Variants in ST6GALNAC5 observed in about 807,000 individuals in gnomAD.
The protein encoded by ST6GALNAC5 is ST6 N-acetylgalactosaminide alpha-2,6-sialyltransferase 5.
In ST6GALNAC5, 27 loss-of-function variants were observed where a neutral mutation model predicts 33.6. The ratio of observed to expected loss-of-function variants is 0.80; its 90% CI spans 0.59 to 1.11. The LOEUF (loss-of-function observed/expected upper bound fraction) is 1.11. Among genes scored for constraint, ST6GALNAC5 ranks in the 50% least tolerant of loss-of-function variants. The pLI is 0.00. For synonymous variants in ST6GALNAC5, 194 were observed against 171.2 expected, an observed-to-expected ratio of 1.13 and a Z score of -1.04; for missense variants, 428 against 454.0, an observed-to-expected ratio of 0.94 and a Z score of 0.52.
At chr1:77,020,460 G>A (rs1266961357) in intron 2 of ST6GALNAC5, among the ~76,000 whole-genome samples, 1 of 152,084 alleles carries the variant, frequency 6.6e-6, no homozygotes, top group Non-Finnish European at 1.5e-5. Flanking sequence ...GAGTACAGTG[G>A]CACAGTCTCA....
Position 77,005,493 on chromosome 1 carries a change from T to C in ST6GALNAC5, c.262-38711T>C, listed in dbSNP as rs370712515. On this transcript the variant is annotated intron_variant, in intron 2 of 4. Transcript: ENST00000477717. ...GAGCTGTAGACCGGAGCTGTTCCTATTCAGCCATCTTGGCTCCTCCTCTCA... is the reference window on the plus strand; with the variant it reads ...GAGCTGTAGACCGGAGCTGTTCCTACTCAGCCATCTTGGCTCCTCCTCTCA... 6.0e-4 allele frequency among the ~76,000 whole-genome samples: 91 copies of C among 152,378 alleles called. 2 individuals are homozygous for C. In the South Asian group the frequency reaches 0.018, roughly 30 times the overall value.
At chr1:76,915,176 TA>T in intron 2 of ST6GALNAC5, among the ~76,000 whole-genome samples, 1 of 151,228 alleles carries the variant, frequency 6.6e-6, no homozygotes, top group Non-Finnish European at 1.5e-5. Flanking sequence ...TGGCAATCAT[TA>T]AAAAGTCAGG....
chr1:76,917,016 G>C (rs1232939317), intron 2 of ST6GALNAC5, among the ~76,000 whole-genome samples: 4 of 152,112 alleles, frequency 2.6e-5, no homozygotes, highest in African/African-American at 9.7e-5. Flanking sequence ...TACTTCTCCA[G>C]AATTCATTCC....
At chr1:76,887,489 C>T (rs1653924054) in intron 2 of ST6GALNAC5, among the ~76,000 whole-genome samples, 1 of 152,094 alleles carries the variant, frequency 6.6e-6, no homozygotes, top group South Asian at 2.1e-4. Context: ...CTATAATTTT[C>T]AGTCTTTCTG....
chr1:76,976,002 C>G (rs1308674849), intron 2 of ST6GALNAC5, among the ~76,000 whole-genome samples: 1 of 151,828 alleles, frequency 6.6e-6, no homozygotes, highest in Non-Finnish European at 1.5e-5. Context: ...GGCTGAGGCA[C>G]AAGAATAGCT....
At chr1:76,967,832 A>G (rs1468223713) in intron 2 of ST6GALNAC5, among the ~76,000 whole-genome samples, 2 of 151,990 alleles carry the variant, frequency 1.3e-5, no homozygotes, top group East Asian at 1.9e-4. Flanking sequence ...CCTTCATTTC[A>G]TTATTTACCC....
chr1:77,019,536 A>C (rs1345322762), intron 2 of ST6GALNAC5, among the ~76,000 whole-genome samples: 1 of 152,244 alleles, frequency 6.6e-6, no homozygotes, highest in Non-Finnish European at 1.5e-5. Flanking sequence ...AAAGTTCCCC[A>C]AACTATCTGG....
intron 2 of ST6GALNAC5, among the ~76,000 whole-genome samples, chr1:76,980,517 G>A (rs1649206953): frequency 6.6e-6 from 1 of 152,174 alleles, no homozygotes; most frequent in Admixed American, 6.5e-5. Context: ...ATGTCATTTA[G>A]CACTATATAT....
rs186637555 is a variant in ST6GALNAC5, at chr1:76,958,209, G to C, written c.262-85995G>C. On this transcript the variant is annotated intron_variant, in intron 2 of 4. Transcript: ENST00000477717. Reference sequence around the variant, plus strand: ...GCTTCTCTGCACAGTCATGCACATTGTTTCCCAGTCTTTTCAACTCTCGCT... The same window carrying C: ...GCTTCTCTGCACAGTCATGCACATTCTTTCCCAGTCTTTTCAACTCTCGCT... Among the ~76,000 whole-genome samples the C allele has an allele frequency of 5.9e-5, 9 of 152,232 alleles. No homozygotes were observed. In the East Asian group the frequency reaches 1.7e-3, roughly 29 times the overall value.
At chr1:76,923,303 G>T (rs1201348437) in intron 2 of ST6GALNAC5, among the ~76,000 whole-genome samples, 1 of 152,016 alleles carries the variant, frequency 6.6e-6, no homozygotes, top group Non-Finnish European at 1.5e-5. Flanking sequence ...GGAGTGAGTG[G>T]ACAATCAGGA....
At chr1:77,043,139 A>G (rs1302336817) in intron 2 of ST6GALNAC5, among the ~76,000 whole-genome samples, 1 of 152,242 alleles carries the variant, frequency 6.6e-6, no homozygotes, top group Non-Finnish European at 1.5e-5. Context: ...ACAGAGAAGA[A>G]GCGCATAGAC....
At chr1:76,916,805 G>T (rs1646980609) in intron 2 of ST6GALNAC5, among the ~76,000 whole-genome samples, 1 of 151,994 alleles carries the variant, frequency 6.6e-6, no homozygotes, top group Non-Finnish European at 1.5e-5. Context: ...CATGGCTATG[G>T]CTTCACGTTC....
intron 2 of ST6GALNAC5, among the ~76,000 whole-genome samples, chr1:76,949,139 C>T (rs1647642504): frequency 6.6e-6 from 1 of 152,174 alleles, no homozygotes; most frequent in Non-Finnish European, 1.5e-5. Flanking sequence ...ACAAAAATGC[C>T]TTCTGAGGTA....
chr1:76,963,428 G>T (rs1402733415), intron 2 of ST6GALNAC5, among the ~76,000 whole-genome samples: 1 of 152,192 alleles, frequency 6.6e-6, no homozygotes, highest in Admixed American at 6.5e-5. Flanking sequence ...GACTTGAGTT[G>T]TCCTGAATGT....
At position 77,065,725 on chromosome 1, in the gene ST6GALNAC5, C is replaced by CT; in HGVS notation, c.*2519_*2520insT. 1 of 152,168 alleles carries CT rather than the reference C, an allele frequency of 6.6e-6. No individual in the cohort carries two copies. The highest frequency in any genetic ancestry group is 2.4e-5 in the African/African-American group (1 of 41,444). The allele number at this position is 152,168 out of a possible 1,614,324, so 9.4% of individuals were successfully genotyped here. A position where few individuals can be genotyped will look rare whatever the true frequency, so the allele number is the denominator to read the frequency against. On this transcript the variant is annotated 3_prime_UTR_variant, in exon 5 of 5. Transcript: ENST00000477717. ...TCTGATATAAAAGATGACTACAGAA[C>CT]CATGTTTATAGACCTCGGTGATTTC...
intron 2 of ST6GALNAC5, among the ~76,000 whole-genome samples, chr1:76,959,455 C>T (rs1648142203): frequency 6.6e-6 from 1 of 152,146 alleles, no homozygotes; most frequent in South Asian, 2.1e-4. Context: ...TCTGTTCTTG[C>T]CTATGGGCAC....
intron 2 of ST6GALNAC5, among the ~76,000 whole-genome samples, chr1:77,012,463 G>A (rs189416473): frequency 6.6e-6 from 1 of 152,146 alleles, no homozygotes; most frequent in African/African-American, 2.4e-5. Flanking sequence ...GTCTGCCTCT[G>A]AACGCCAGAA....
chr1:76,926,811 C>A (rs1042234154), intron 2 of ST6GALNAC5, among the ~76,000 whole-genome samples: 8 of 152,012 alleles, frequency 5.3e-5, no homozygotes, highest in Admixed American at 1.3e-4. Context: ...ATTCTCCATA[C>A]CTTTATCAGT....
intron 2 of ST6GALNAC5, among the ~76,000 whole-genome samples, chr1:76,932,486 A>C (rs1333273491): frequency 6.6e-6 from 1 of 152,122 alleles, no homozygotes. Context: ...TAAGTATGTA[A>C]GTAGGTAAAA....
Sources: allele counts gnomAD v4.1 joint callset (sites outside exome capture counted in the v4.1 genomes callset), GRCh38; gene constraint gnomAD v4.1.1; transcripts MANE v1.5; gene names NCBI Gene and HGNC (gene_info 2026-07-23, HGNC 2026-07-21).